Variants in USP12 observed in about 807,000 individuals in gnomAD.
USP12 encodes ubiquitin carboxyl-terminal hydrolase 12.
In USP12, 19 loss-of-function variants were observed where a neutral mutation model predicts 45.5. The ratio of observed to expected loss-of-function variants is 0.42; its 90% CI spans 0.29 to 0.61. The LOEUF (loss-of-function observed/expected upper bound fraction) is 0.61, where lower values mean the gene tolerates loss of function less well. Ranked by LOEUF, USP12 falls within the 20% of genes least tolerant of loss-of-function variation. USP12 has a pLI of 0.22. For missense variants in USP12, 242 were observed against 447.7 expected, an observed-to-expected ratio of 0.54 and a Z score of 4.15; for synonymous variants, 149 against 148.8, an observed-to-expected ratio of 1.00 and a Z score of -0.01.
At chr13:27,094,885 CA>C (rs1874497431) in intron 4 of USP12, among the ~76,000 whole-genome samples, 1 of 152,104 alleles carries the variant, frequency 6.6e-6, no homozygotes, top group Admixed American at 6.5e-5. Context: ...TAATGGCTCA[CA>C]CCTGTAATCC....
intron 1 of USP12, among the ~76,000 whole-genome samples, chr13:27,148,505 C>T (rs866475714): frequency 3.2e-4 from 48 of 151,538 alleles, no homozygotes; most frequent in African/African-American, 1.1e-3. Context: ...GAAACCCCGT[C>T]TCTACTAAAG....
chr13:27,109,569 T>C (rs138529474), intron 2 of USP12, among the ~76,000 whole-genome samples: 3 of 152,196 alleles, frequency 2.0e-5, no homozygotes, highest in South Asian at 4.2e-4. Context: ...AACAATCAAA[T>C]TGCAAATGTA....
chr13:27,150,074 T>C (rs949213352), intron 1 of USP12, among the ~76,000 whole-genome samples: 2 of 151,384 alleles, frequency 1.3e-5, no homozygotes, highest in Admixed American at 6.6e-5. Context: ...TACTTTCAAA[T>C]AGATAGAGGA....
intron 7 of USP12, among the ~76,000 whole-genome samples, chr13:27,074,205 C>T (rs1565980633): frequency 6.6e-6 from 1 of 152,066 alleles, no homozygotes; most frequent in Non-Finnish European, 1.5e-5. Flanking sequence ...TTAAGACCAT[C>T]CTGGCTAACA....
chr13:27,141,878 T>G (rs867334505), intron 1 of USP12, among the ~76,000 whole-genome samples: 1 of 152,018 alleles, frequency 6.6e-6, no homozygotes, highest in Non-Finnish European at 1.5e-5. Context: ...AACTGATGAG[T>G]TGAAGTCAAA....
chr13:27,169,394 C>A (rs910401018), intron 1 of USP12, among the ~76,000 whole-genome samples: 1 of 152,118 alleles, frequency 6.6e-6, no homozygotes, highest in African/African-American at 2.4e-5. Flanking sequence ...AAAGAGGTAT[C>A]TTTGCTTTTC....
At chr13:27,152,934 T>G (rs1201092801) in intron 1 of USP12, among the ~76,000 whole-genome samples, 1 of 98,728 alleles carries the variant, frequency 1.0e-5, no homozygotes, top group African/African-American at 4.2e-5. Flanking sequence ...AGAGCGAGAC[T>G]CCGTCTCAAA....
At chr13:27,070,158 A>ATACT (rs1873176533) in intron 8 of USP12, among the ~76,000 whole-genome samples, 2 of 152,242 alleles carry the variant, frequency 1.3e-5, no homozygotes, top group Non-Finnish European at 2.9e-5. Context: ...AGGCAACAAG[A>ATACT]ATGCATCTCA....
intron 6 of USP12, 64 bp downstream of exon 6, chr13:27,089,819 C>T (rs1874232417): frequency 1.3e-6 from 2 of 1,509,346 alleles, no homozygotes; most frequent in Non-Finnish European, 9.0e-7. Flanking sequence ...TTTTTCTAAG[C>T]CCACCTCCAA....
intron 1 of USP12, among the ~76,000 whole-genome samples, chr13:27,163,782 A>AAG (rs1413914986): frequency 1.4e-5 from 2 of 138,660 alleles, no homozygotes; most frequent in African/African-American, 5.0e-5. Flanking sequence ...AAAAAAAAAA[A>AAG]AAAGAAAAAA....
chr13:27,163,413 T>C (rs898105440), intron 1 of USP12, among the ~76,000 whole-genome samples: 1 of 152,174 alleles, frequency 6.6e-6, no homozygotes, highest in Non-Finnish European at 1.5e-5. Context: ...ATAAAGGCCA[T>C]TCATTTTGCA....
intron 1 of USP12, among the ~76,000 whole-genome samples, chr13:27,141,895 T>C (rs1249769710): frequency 6.6e-6 from 1 of 151,938 alleles, no homozygotes; most frequent in East Asian, 1.9e-4. Flanking sequence ...CAAAACACAC[T>C]GAAAGAGGCT....
intron 6 of USP12, among the ~76,000 whole-genome samples, chr13:27,079,481 G>C (rs1460227831): frequency 6.6e-6 from 1 of 152,128 alleles, no homozygotes; most frequent in African/African-American, 2.4e-5. Context: ...GAGCCATCAG[G>C]TGCTAAGTAT....
In USP12 at chr13:27,069,071, T is replaced by G. The variant is rs1377996816; in HGVS notation, c.*212A>C. ...ATTTCACCTCCTTGTTGTATGGAAC[T>G]GTACAGACAGCATGATACCTGAGCA... On this transcript the variant is annotated 3_prime_UTR_variant, in exon 9 of 9. Transcript: ENST00000282344. 1.7e-6 allele frequency: 1 copy of G among 576,678 alleles called. No homozygotes were observed. Among genetic ancestry groups the G allele is most frequent in the Non-Finnish European group, 3.1e-6 (1 of 326,396 alleles). 35.7% of individuals were successfully genotyped at this position (576,678 alleles called of 1,614,324 possible).
chr13:27,128,304 C>CAGAAT, intron 1 of USP12, among the ~76,000 whole-genome samples: 1 of 152,154 alleles, frequency 6.6e-6, no homozygotes, highest in Non-Finnish European at 1.5e-5. Flanking sequence ...TTCCAAGAAC[C>CAGAAT]ACTCTGTCAA....
chr13:27,110,089 G>C (rs899920509), intron 2 of USP12, among the ~76,000 whole-genome samples: 19 of 130,720 alleles, frequency 1.5e-4, no homozygotes, highest in South Asian at 4.9e-4. Context: ...CCCATTTATG[G>C]CCAAAATGCC....
At chr13:27,148,556 C>T (rs917406286) in intron 1 of USP12, among the ~76,000 whole-genome samples, 32 of 151,032 alleles carry the variant, frequency 2.1e-4, no homozygotes, top group Non-Finnish European at 4.0e-4. Flanking sequence ...CGCCTGTAAT[C>T]CCAGCTACTC....
chr13:27,087,124 CGTGTGTGAGA>C (rs1403858287), intron 6 of USP12, among the ~76,000 whole-genome samples: 1 of 136,864 alleles, frequency 7.3e-6, no homozygotes, highest in Admixed American at 8.2e-5. Context: ...TGTGTGTGTG[CGTGTGTGAGA>C]GTGTGTGTGT....
Position 27,170,351 on chromosome 13 carries a change from T to C in USP12, c.48+1241A>G, listed in dbSNP as rs1203074601. 4 of 398,398 alleles carry C rather than the reference T, an allele frequency of 1.0e-5. No individual in the cohort carries two copies. The East Asian group carries it at 1.1e-4, about 11-fold the overall frequency. 24.7% of individuals were successfully genotyped at this position (398,398 alleles called of 1,614,324 possible). On this transcript the variant is annotated intron_variant, in intron 1 of 8. Coordinates refer to ENST00000282344, the MANE Select transcript of USP12 (RefSeq NM_182488.4). ...ACTCCTTAAAGAAAAATATATACAA[T>C]GTACCACCCTTAGATGGAAAATTTC...
Sources: gnomAD v4.1 joint callset for allele counts (sites outside exome capture counted in the v4.1 genomes callset) on GRCh38, gnomAD v4.1.1 for gene constraint, MANE v1.5 for transcripts, NCBI Gene and HGNC (gene_info 2026-07-23, HGNC 2026-07-21) for gene names.